Variants in CSMD1 observed in about 807,000 individuals in gnomAD.
CSMD1 encodes the protein CUB and sushi domain-containing protein 1.
Under a neutral mutation model 417.5 loss-of-function variants are expected in CSMD1, and 213 were observed. That is an observed-to-expected ratio of 0.51 (90% CI 0.46 to 0.57). The LOEUF (loss-of-function observed/expected upper bound fraction) is 0.57, where lower values mean the gene tolerates loss of function less well. Among genes scored for constraint, CSMD1 ranks in the 20% least tolerant of loss-of-function variants. The probability of loss-of-function intolerance (pLI) is 0.00; values close to 1 mark genes in which losing one functional copy is unlikely to be tolerated. For missense variants in CSMD1, 6,923 were observed against 4,529.7 expected, an observed-to-expected ratio of 1.53 and a Z score of -15.17; for synonymous variants, 2,862 against 1,736.8, an observed-to-expected ratio of 1.65 and a Z score of -16.11.
At chr8:4,524,854 G>C (rs902806164) in intron 2 of CSMD1, among the ~76,000 whole-genome samples, 15 of 151,848 alleles carry the variant, frequency 9.9e-5, no homozygotes, top group African/African-American at 3.1e-4. Flanking sequence ...ATAAAAATTG[G>C]AATTCATTCT....
intron 23 of CSMD1, among the ~76,000 whole-genome samples, chr8:3,319,099 C>CT: frequency 6.6e-6 from 1 of 152,124 alleles, no homozygotes; most frequent in Non-Finnish European, 1.5e-5. Context: ...GTTTATGTGT[C>CT]TTGCATCCAG....
intron 7 of CSMD1, among the ~76,000 whole-genome samples, chr8:3,667,502 C>A (rs79731760): frequency 1.3e-5 from 2 of 151,664 alleles, no homozygotes; most frequent in African/African-American, 2.4e-5. Flanking sequence ...GTGGCTGGAG[C>A]CAACTAGGGG....
At chr8:4,271,289 C>G (rs1284506415) in intron 3 of CSMD1, among the ~76,000 whole-genome samples, 1 of 152,126 alleles carries the variant, frequency 6.6e-6, no homozygotes, top group African/African-American at 2.4e-5. Flanking sequence ...GCCCTAACAG[C>G]AGGCAACCAT....
intron 5 of CSMD1, among the ~76,000 whole-genome samples, chr8:3,823,097 C>A (rs1801832341): frequency 6.6e-6 from 1 of 152,176 alleles, no homozygotes; most frequent in African/African-American, 2.4e-5. Context: ...CCTGGGATCT[C>A]ATGGCCCTTT....
At chr8:4,849,485 C>T (rs984334912) in intron 1 of CSMD1, among the ~76,000 whole-genome samples, 1 of 152,210 alleles carries the variant, frequency 6.6e-6, no homozygotes, top group East Asian at 1.9e-4. Context: ...CTAGATCTCA[C>T]GTTCAATTAT....
At chr8:3,191,140 C>A (rs1457690712) in intron 33 of CSMD1, among the ~76,000 whole-genome samples, 1 of 152,176 alleles carries the variant, frequency 6.6e-6, no homozygotes, top group Non-Finnish European at 1.5e-5. Context: ...TCTCTAAAGT[C>A]ACCTAGGATG....
intron 12 of CSMD1, among the ~76,000 whole-genome samples, chr8:3,426,588 T>A (rs1813856523): frequency 6.6e-6 from 1 of 152,192 alleles, no homozygotes; most frequent in South Asian, 2.1e-4. Flanking sequence ...GGCAATATAA[T>A]TTTTTATTTA....
intron 1 of CSMD1, among the ~76,000 whole-genome samples, chr8:4,855,053 G>A (rs1227418688): frequency 2.0e-5 from 3 of 152,122 alleles, no homozygotes; most frequent in Non-Finnish European, 4.4e-5. Context: ...CTCCCAGCAA[G>A]CAGCTGGAGA....
intron 3 of CSMD1, among the ~76,000 whole-genome samples, chr8:4,215,953 T>C (rs889185055): frequency 6.6e-6 from 1 of 152,194 alleles, no homozygotes; most frequent in African/African-American, 2.4e-5. Context: ...CCAGTTTCTT[T>C]TGTTGGCATT....
chr8:4,916,525 C>T (rs1434884499), intron 1 of CSMD1, among the ~76,000 whole-genome samples: 1 of 152,148 alleles, frequency 6.6e-6, no homozygotes, highest in Non-Finnish European at 1.5e-5. Context: ...AAGCTAAATG[C>T]AGTTGTTTAG....
At chr8:4,467,246 G>T (rs371508843) in intron 2 of CSMD1, among the ~76,000 whole-genome samples, 1 of 152,030 alleles carries the variant, frequency 6.6e-6, no homozygotes, top group Non-Finnish European at 1.5e-5. Context: ...ACACATTCCA[G>T]CTAAGAATCT....
intron 37 of CSMD1, among the ~76,000 whole-genome samples, chr8:3,168,106 A>G (rs943521899): frequency 1.3e-5 from 2 of 152,142 alleles, no homozygotes; most frequent in Non-Finnish European, 2.9e-5. Flanking sequence ...AAAAAAGTTG[A>G]TAAGCAGAGA....
chr8:4,345,551 A>G (rs924108392), intron 3 of CSMD1, among the ~76,000 whole-genome samples: 4 of 152,124 alleles, frequency 2.6e-5, no homozygotes, highest in African/African-American at 7.2e-5. Context: ...ATATATGCAA[A>G]TCACTCATCG....
chr8:4,549,496 C>G (rs1448597570), intron 2 of CSMD1, among the ~76,000 whole-genome samples: 3 of 152,130 alleles, frequency 2.0e-5, no homozygotes, highest in Non-Finnish European at 2.9e-5. Context: ...TCCAATAACT[C>G]TTTAACCTAC....
chr8:2,992,497 C>T (rs1240142758), intron 54 of CSMD1, among the ~76,000 whole-genome samples: 1 of 151,916 alleles, frequency 6.6e-6, no homozygotes, highest in Non-Finnish European at 1.5e-5. Context: ...GATCTTGGCT[C>T]ACTGCAACCT....
intron 8 of CSMD1, among the ~76,000 whole-genome samples, chr8:3,605,586 T>C (rs931944923): frequency 6.6e-6 from 1 of 152,242 alleles, no homozygotes; most frequent in African/African-American, 2.4e-5. Context: ...GTAATTTTTT[T>C]CCTTAATGTA....
chr8:4,127,719 G>A (rs568393898), intron 3 of CSMD1, among the ~76,000 whole-genome samples: 3 of 152,166 alleles, frequency 2.0e-5, no homozygotes, highest in South Asian at 2.1e-4. Flanking sequence ...ATTTAAGAAA[G>A]GTATATTCAG....
chr8:4,912,868 C>G (rs1448950080), intron 1 of CSMD1, among the ~76,000 whole-genome samples: 1 of 152,130 alleles, frequency 6.6e-6, no homozygotes, highest in Non-Finnish European at 1.5e-5. Context: ...TTACTACAAC[C>G]TCCACCTCCT....
At chr8:4,248,767 G>A (rs1037227314) in intron 3 of CSMD1, among the ~76,000 whole-genome samples, 1 of 151,964 alleles carries the variant, frequency 6.6e-6, no homozygotes, top group African/African-American at 2.4e-5. Context: ...TAAGCGCATG[G>A]TTTACTGTCA....
Sources: allele counts gnomAD v4.1 joint callset (sites outside exome capture counted in the v4.1 genomes callset), GRCh38; gene constraint gnomAD v4.1.1; transcripts MANE v1.5; gene names NCBI Gene and HGNC (gene_info 2026-07-23, HGNC 2026-07-21).